The following SAMD12 variants were observed in gnomAD, a reference collection of about 807,000 sequenced individuals.
The protein encoded by SAMD12 is sterile alpha motif domain containing 12, also known as sterile alpha motif domain-containing protein 12.
Under a neutral mutation model 15.0 loss-of-function variants are expected in SAMD12, and 9 were observed. The ratio of observed to expected loss-of-function variants is 0.60; its 90% CI spans 0.36 to 1.05. SAMD12 has a LOEUF of 1.05. SAMD12 is among the 50% of genes least tolerant of loss of function. SAMD12 has a pLI of 0.01. For missense variants in SAMD12, 230 were observed against 234.2 expected, an observed-to-expected ratio of 0.98 and a Z score of 0.12; for synonymous variants, 86 against 90.1, an observed-to-expected ratio of 0.96 and a Z score of 0.25.
chr8:118,556,365 C>T (rs1021447910), intron 2 of SAMD12, among the ~76,000 whole-genome samples: 7 of 152,102 alleles, frequency 4.6e-5, no homozygotes, highest in African/African-American at 7.2e-5. Context: ...ATGTATTGAA[C>T]GAAGGGTGGC....
intron 2 of SAMD12, among the ~76,000 whole-genome samples, chr8:118,560,359 C>T (rs1265555178): frequency 1.3e-5 from 2 of 152,188 alleles, no homozygotes; most frequent in East Asian, 3.8e-4. Context: ...ATATAGTTCA[C>T]TGACAGCCAT....
At chr8:118,161,652 G>A in the SAMD12 span, among the ~76,000 whole-genome samples, 1 of 150,672 alleles carries the variant, frequency 6.6e-6, no homozygotes, top group East Asian at 1.9e-4. Context: ...ATCTGGCAAA[G>A]GGCTTGTATC....
intron 2 of SAMD12, among the ~76,000 whole-genome samples, chr8:118,506,665 G>A (rs898914456): frequency 8.5e-5 from 13 of 152,114 alleles, no homozygotes; most frequent in African/African-American, 2.4e-4. Flanking sequence ...ACCAGCGTTG[G>A]CTGACAGGCA....
At position 118,287,786 on chromosome 8, in the gene SAMD12, T is replaced by C. The variant is rs117916207; in HGVS notation, c.434-90054A>G. 5.3e-4 allele frequency among the ~76,000 whole-genome samples: 81 copies of C among 152,318 alleles called. No individual in the cohort carries two copies. The East Asian group carries it at 0.014, about 26-fold the overall frequency. On this transcript the variant is annotated intron_variant, in intron 4 of 4. Transcript: ENST00000409003. ...TTTTCCTTGTTGCCCCAGGGAGATA[T>C]TGGCAAAGTGTGGACCATCATGAAT...
intron 4 of SAMD12, among the ~76,000 whole-genome samples, chr8:118,319,985 C>T (rs1816147285): frequency 6.6e-6 from 1 of 152,000 alleles, no homozygotes; most frequent in Admixed American, 6.6e-5. Flanking sequence ...TGTGGTTTAC[C>T]AAGGAGAATA....
intron 2 of SAMD12, among the ~76,000 whole-genome samples, chr8:118,549,494 CA>C (rs1246812609): frequency 2.0e-5 from 3 of 152,224 alleles, no homozygotes; most frequent in Non-Finnish European, 4.4e-5. Flanking sequence ...GGAAAACTAA[CA>C]AACAGAAAGG....
chr8:118,201,698 C>A (rs1352974180), intron 4 of SAMD12, among the ~76,000 whole-genome samples: 1 of 152,200 alleles, frequency 6.6e-6, no homozygotes. Flanking sequence ...TCCTGGTCTG[C>A]ATGTGGAGAG....
At chr8:118,156,137 C>A in the SAMD12 span, among the ~76,000 whole-genome samples, 2 of 152,334 alleles carry the variant, frequency 1.3e-5, no homozygotes, top group South Asian at 4.1e-4. Flanking sequence ...GCTGGGGAAT[C>A]TGCTGTATCT....
chr8:118,532,006 C>A (rs756173588), intron 2 of SAMD12, among the ~76,000 whole-genome samples: 1 of 152,104 alleles, frequency 6.6e-6, no homozygotes, highest in Non-Finnish European at 1.5e-5. Flanking sequence ...GTCTTGCGCC[C>A]GTTTTCAAAG....
At chr8:118,345,850 T>G (rs924807167) in intron 4 of SAMD12, among the ~76,000 whole-genome samples, 1 of 152,104 alleles carries the variant, frequency 6.6e-6, no homozygotes. Flanking sequence ...CCACCCATGG[T>G]AGAGGATATG....
At chr8:118,481,176 A>G (rs1824115943) in intron 2 of SAMD12, among the ~76,000 whole-genome samples, 1 of 150,300 alleles carries the variant, frequency 6.7e-6, no homozygotes, top group Admixed American at 6.7e-5. Flanking sequence ...GCTGGTCTCA[A>G]ACTCCTGACC....
chr8:118,494,596 G>A (rs552409644), intron 2 of SAMD12, among the ~76,000 whole-genome samples: 7 of 152,248 alleles, frequency 4.6e-5, no homozygotes, highest in South Asian at 4.1e-4. Context: ...TGTACATAGC[G>A]CTCCCTCAGT....
intron 1 of SAMD12, among the ~76,000 whole-genome samples, chr8:118,585,228 T>C (rs538975638): frequency 6.6e-6 from 1 of 152,354 alleles, no homozygotes; most frequent in African/African-American, 2.4e-5. Context: ...TTCACTTATA[T>C]GAGTTAATCA....
At chr8:118,393,423 G>T (rs113123712) in intron 3 of SAMD12, among the ~76,000 whole-genome samples, 1 of 150,438 alleles carries the variant, frequency 6.6e-6, no homozygotes, top group African/African-American at 2.4e-5. Flanking sequence ...TTATTTTTTC[G>T]TAGAGATAGG....
chr8:118,546,484 C>T (rs558234243), intron 2 of SAMD12, among the ~76,000 whole-genome samples: 3 of 151,916 alleles, frequency 2.0e-5, no homozygotes, highest in Non-Finnish European at 2.9e-5. Flanking sequence ...CACTGGCTGT[C>T]AAGGGAACAG....
At chr8:118,341,765 G>A (rs777683339) in intron 4 of SAMD12, among the ~76,000 whole-genome samples, 8 of 152,168 alleles carry the variant, frequency 5.3e-5, no homozygotes, top group South Asian at 2.1e-4. Context: ...TATCAATTTC[G>A]GGAGGGCACA....
At chr8:118,285,995 T>G (rs975504503) in intron 4 of SAMD12, among the ~76,000 whole-genome samples, 6 of 151,916 alleles carry the variant, frequency 3.9e-5, no homozygotes, top group Admixed American at 3.9e-4. Context: ...CCATAAAAAA[T>G]GATGAGTTCA....
At chr8:118,206,925 G>A (rs1459165969) in intron 4 of SAMD12, among the ~76,000 whole-genome samples, 2 of 152,172 alleles carry the variant, frequency 1.3e-5, no homozygotes, top group Non-Finnish European at 2.9e-5. Flanking sequence ...GTTGTGTGTG[G>A]TAGAATGTCG....
At chr8:118,569,283 T>G (rs886258007) in intron 2 of SAMD12, among the ~76,000 whole-genome samples, 15 of 152,168 alleles carry the variant, frequency 9.9e-5, no homozygotes, top group Admixed American at 4.6e-4. Flanking sequence ...TTTAAAATAT[T>G]GTATAAAATT....
Sources: gnomAD v4.1 joint callset for allele counts (sites outside exome capture counted in the v4.1 genomes callset) on GRCh38, gnomAD v4.1.1 for gene constraint, MANE v1.5 for transcripts, NCBI Gene and HGNC (gene_info 2026-07-23, HGNC 2026-07-21) for gene names.